WWOX: variants seen among roughly 807,000 people sequenced by gnomAD.
The protein encoded by WWOX is WW domain-containing oxidoreductase.
Under a neutral mutation model 46.2 loss-of-function variants are expected in WWOX, and 69 were observed. That is an observed-to-expected ratio of 1.49 (90% CI 1.23 to 1.82). The LOEUF is 1.82. Ranked by LOEUF, WWOX falls within the 40% of genes most tolerant of loss-of-function variation. The probability of loss-of-function intolerance (pLI) is 0.00; values close to 1 mark genes in which losing one functional copy is unlikely to be tolerated. For missense variants in WWOX, 919 were observed against 542.6 expected, an observed-to-expected ratio of 1.69 and a Z score of -6.89; for synonymous variants, 359 against 202.6, an observed-to-expected ratio of 1.77 and a Z score of -6.56.
At chr16:78,523,102 C>T (rs9928512) in intron 8 of WWOX, among the ~76,000 whole-genome samples, 36,212 of 151,954 alleles carry the variant, frequency 0.24, 5,192 homozygotes, top group African/African-American at 0.39. Flanking sequence ...AATTAAAAAA[C>T]CTAACACTGG....
intron 8 of WWOX, among the ~76,000 whole-genome samples, chr16:78,887,397 G>C (rs2044487896): frequency 6.6e-6 from 1 of 151,060 alleles, no homozygotes. Context: ...TCGCTTCCAA[G>C]GCACCTGTTT....
intron 5 of WWOX, among the ~76,000 whole-genome samples, chr16:78,279,919 G>A (rs1385860083): frequency 6.6e-6 from 1 of 152,218 alleles, no homozygotes; most frequent in African/African-American, 2.4e-5. Flanking sequence ...AAAGGGAGGA[G>A]AAATTTAATC....
chr16:78,830,569 T>C (rs2051792103), intron 8 of WWOX, among the ~76,000 whole-genome samples: 2 of 152,008 alleles, frequency 1.3e-5, no homozygotes, highest in African/African-American at 4.8e-5. Flanking sequence ...TTCTTTCACC[T>C]CTAGGAGATA....
At chr16:78,340,290 A>T (rs113110872) in intron 5 of WWOX, among the ~76,000 whole-genome samples, 2 of 113,372 alleles carry the variant, frequency 1.8e-5, no homozygotes, top group Admixed American at 8.7e-5. Flanking sequence ...TCCACCTCCC[A>T]GGTTCAAGTG....
At chr16:78,407,763 A>G (rs865904662) in intron 6 of WWOX, among the ~76,000 whole-genome samples, 1 of 152,222 alleles carries the variant, frequency 6.6e-6, no homozygotes, top group Non-Finnish European at 1.5e-5. Context: ...ACCAAATGCC[A>G]TAAGAAAAAT....
chr16:78,837,902 G>C (rs750209757), intron 8 of WWOX, among the ~76,000 whole-genome samples: 19 of 152,162 alleles, frequency 1.2e-4, no homozygotes, highest in Non-Finnish European at 2.5e-4. Flanking sequence ...TTACAGATGA[G>C]AAAATGGAGT....
chr16:79,211,564 C>A (rs758034102), intron 8 of WWOX, 44 bp from the exon 9 acceptor site: 1 of 1,613,546 alleles, frequency 6.2e-7, no homozygotes, highest in Non-Finnish European at 8.5e-7. Context: ...TCTCATCACT[C>A]CTTTTCTTAA....
intron 8 of WWOX, among the ~76,000 whole-genome samples, chr16:78,532,440 G>A (rs1228823217): frequency 1.3e-5 from 2 of 152,088 alleles, no homozygotes; most frequent in Non-Finnish European, 2.9e-5. Flanking sequence ...CCCTGAAGCT[G>A]AAATGCATGA....
intron 8 of WWOX, among the ~76,000 whole-genome samples, chr16:78,797,095 G>C (rs1221108820): frequency 6.6e-6 from 1 of 151,964 alleles, no homozygotes; most frequent in Non-Finnish European, 1.5e-5. Context: ...TAAAGTGTTG[G>C]GGTTGCAGGC....
intron 6 of WWOX, among the ~76,000 whole-genome samples, chr16:78,391,441 C>G (rs1193897743): frequency 6.6e-6 from 1 of 152,170 alleles, no homozygotes; most frequent in East Asian, 1.9e-4. Context: ...AGTAGGAGAT[C>G]CAGAATTTGA....
intron 8 of WWOX, among the ~76,000 whole-genome samples, chr16:78,493,712 C>T (rs1234866486): frequency 6.6e-6 from 1 of 151,938 alleles, no homozygotes; most frequent in Non-Finnish European, 1.5e-5. Context: ...TAAATGGAAC[C>T]CTCGCAACAG....
intron 8 of WWOX, among the ~76,000 whole-genome samples, chr16:78,765,457 C>G (rs984743023): frequency 9.2e-5 from 14 of 152,006 alleles, no homozygotes; most frequent in Non-Finnish European, 1.9e-4. Context: ...GGCGGGTGGA[C>G]CACCTGAGGT....
At chr16:79,030,913 G>C (rs2151395152) in intron 8 of WWOX, among the ~76,000 whole-genome samples, 1 of 152,000 alleles carries the variant, frequency 6.6e-6, no homozygotes, top group South Asian at 2.1e-4. Flanking sequence ...TGAGACCCCT[G>C]TCTCTACAAA....
rs920373522 is a variant in WWOX, at chr16:78,348,227, C to A, written c.517-38633C>A. 6.6e-5 allele frequency among the ~76,000 whole-genome samples: 8 copies of A among 121,312 alleles called. 2 individuals are homozygous for A. The highest frequency in any genetic ancestry group is 1.6e-4 in the Non-Finnish European group (8 of 50,824). The allele number at this position is 121,312 out of a possible 152,430, so 79.6% of individuals were successfully genotyped here. On this transcript the variant is annotated intron_variant, in intron 5 of 8. Transcript: ENST00000566780. The stretch of plus-strand genomic sequence containing the variant: ...TAACAAGGCAGAAGCCCAGAAGAGA[C>A]TTCATGTACTGTGACTGTAATAAAG...
At chr16:79,055,425 C>G (rs550897746) in intron 8 of WWOX, among the ~76,000 whole-genome samples, 8 of 152,084 alleles carry the variant, frequency 5.3e-5, no homozygotes, top group Non-Finnish European at 1.2e-4. Context: ...TGTAAAATGC[C>G]TGACTACCCT....
chr16:78,678,603 A>G (rs1366096655), intron 8 of WWOX, among the ~76,000 whole-genome samples: 2 of 152,330 alleles, frequency 1.3e-5, no homozygotes, highest in South Asian at 2.1e-4. Flanking sequence ...CAATAGGCAT[A>G]GGTACAGATC....
At chr16:78,785,703 G>A (rs1374898169) in intron 8 of WWOX, among the ~76,000 whole-genome samples, 1 of 152,140 alleles carries the variant, frequency 6.6e-6, no homozygotes, top group African/African-American at 2.4e-5. Flanking sequence ...GCTGTGACAT[G>A]AATATTGGTT....
intron 8 of WWOX, among the ~76,000 whole-genome samples, chr16:79,137,228 T>C (rs1178182492): frequency 6.6e-6 from 1 of 152,216 alleles, no homozygotes; most frequent in African/African-American, 2.4e-5. Flanking sequence ...ATGCTCTCTA[T>C]TTCCTCGATA....
At chr16:78,477,439 C>A (rs548938250) in intron 8 of WWOX, among the ~76,000 whole-genome samples, 12 of 151,914 alleles carry the variant, frequency 7.9e-5, no homozygotes, top group Non-Finnish European at 1.3e-4. Flanking sequence ...TGTGAAGAGG[C>A]CCTGTCCCAG....
Sources: gnomAD v4.1 joint callset for allele counts (sites outside exome capture counted in the v4.1 genomes callset) on GRCh38, gnomAD v4.1.1 for gene constraint, MANE v1.5 for transcripts, NCBI Gene and HGNC (gene_info 2026-07-23, HGNC 2026-07-21) for gene names.